Variants in CCDC187 observed in about 807,000 individuals in gnomAD.
The protein encoded by CCDC187 is coiled-coil domain containing 187.
Under a neutral mutation model 38.0 loss-of-function variants are expected in CCDC187, and 32 were observed. That is an observed-to-expected ratio of 0.84 (90% confidence interval 0.64 to 1.13). CCDC187 has a LOEUF of 1.13. Ranked by LOEUF, CCDC187 falls within the 50% of genes most tolerant of loss-of-function variation. The pLI is 0.00. For missense variants in CCDC187, 707 were observed against 786.8 expected (o/e 0.90, Z 1.21); for synonymous variants, 333 against 347.9 (o/e 0.96, Z 0.48).
intron 25 of CCDC187, 73 bp from the exon 26 acceptor site, chr9:136,255,207 G>A: frequency 5.2e-6 from 4 of 775,452 alleles, no homozygotes; most frequent in Non-Finnish European, 6.3e-6. Context: ...GACCCCCAAA[G>A]CCAGGAGGTC....
chr9:136,292,272 C>T lies in CCDC187; in HGVS notation c.856G>A (p.Ala286Thr), dbSNP rs1350822001. The T allele has an allele frequency of 2.5e-5, 10 of 398,732 alleles. No homozygotes were observed. In the Admixed American group the frequency reaches 2.6e-4, roughly 11 times the overall value. The allele number at this position is 398,732 out of a possible 1,614,324, so 24.7% of individuals were successfully genotyped here. A position where few individuals can be genotyped will look rare whatever the true frequency, so the allele number is the denominator to read the frequency against. ...ACCAGAGCTTGTCCCTTTCTCCAGG[C>T]GTAAACACCAACCAGCTCCGAATCT... is the stretch of plus-strand genomic sequence containing the variant. ...DEDSELVGVY[A>T]WRKGQALVRS... Residue 286 changes from alanine to threonine, a missense_variant, in exon 5 of 26, where the codon GCC (alanine) becomes ACC (threonine). Coordinates refer to ENST00000638797, the MANE Select transcript of CCDC187 (RefSeq NM_001378188.1).
At chr9:136,293,303 A>G (rs1247713016) in intron 4 of CCDC187, among the ~76,000 whole-genome samples, 16 of 148,322 alleles carry the variant, frequency 1.1e-4, no homozygotes, top group African/African-American at 3.8e-4. Context: ...TCACAAACAC[A>G]TGTTCACACA....
Position 136,263,708 on chromosome 9 carries a change from G to C in CCDC187, c.3826C>G (p.Pro1276Ala). 3 of 985,484 alleles carry C rather than the reference G, an allele frequency of 3.0e-6. No homozygotes were observed. Among genetic ancestry groups the C allele is most frequent in the Non-Finnish European group, 3.6e-6 (3 of 829,940 alleles). 61.0% of individuals were successfully genotyped at this position (985,484 alleles called of 1,614,324 possible). A position where few individuals can be genotyped will look rare whatever the true frequency, so the allele number is the denominator to read the frequency against. The change falls in exon 18 of 26, where the codon CCG becomes GCG. Residue 1276 changes from proline (P) to alanine (A), a missense_variant. Transcript: ENST00000638797. ...LQHQRDVVSM[P>A]GPVDILPIPG... The stretch of plus-strand genomic sequence containing the variant: ...ATGGGGAGGATGTCCACAGGCCCCG[G>C]CATGGAGACGACGTCCCTCTGATGC...
intron 14 of CCDC187, among the ~76,000 whole-genome samples, chr9:136,269,068 G>C (rs1554762031): frequency 6.6e-6 from 1 of 152,220 alleles, no homozygotes; most frequent in African/African-American, 2.4e-5. Flanking sequence ...GTATTCAGTA[G>C]AGAACTGATG....
chr9:136,293,389 G>T (rs1184805203), intron 4 of CCDC187, among the ~76,000 whole-genome samples: 4 of 113,196 alleles, frequency 3.5e-5, no homozygotes, highest in African/African-American at 1.3e-4. Flanking sequence ...ACACTCACAT[G>T]CTCACACACT....
Position 136,297,132 on chromosome 9 carries a change from CCGTGAGCTGCAGGTGG to C in CCDC187, c.832+566_832+581del, listed in dbSNP as rs1251033450. On this transcript the variant is annotated intron_variant, in intron 4 of 25. Coordinates refer to ENST00000638797, the MANE Select transcript of CCDC187 (RefSeq NM_001378188.1). ...CAGTATCTGTTACTGCTCTGAAGAG[CCGTGAGCTGCAGGTGG>C]CGTGAGCTGCAGGTGGCGTGAGCTG... 5.7e-3 allele frequency among the ~76,000 whole-genome samples: 861 copies of C among 152,038 alleles called. 6 individuals are homozygous for C. Among genetic ancestry groups the C allele is most frequent in the East Asian group, 0.025 (129 of 5,160 alleles).
chr9:136,291,252 G>C lies in CCDC187; in HGVS notation c.1361C>G (p.Thr454Ser), dbSNP rs972140832. 1.5e-5 allele frequency: 6 copies of C among 398,714 alleles called. No homozygotes were observed. Among genetic ancestry groups the C allele is most frequent in the Non-Finnish European group, 2.7e-5 (6 of 226,190 alleles). The allele number at this position is 398,714 out of a possible 1,614,324, so 24.7% of individuals were successfully genotyped here. Residue 454 changes from threonine to serine, a missense_variant, in exon 6 of 26, where the codon ACT (threonine) becomes AGT (serine). Physicochemically the swap from Thr to Ser is moderately conservative, Grantham distance 58. Coordinates refer to ENST00000638797, the MANE Select transcript of CCDC187 (RefSeq NM_001378188.1). ...VHTWEPWSSS[T>S]ARESCPQRAW... Reference sequence around the variant, plus strand: ...CCTCTGCGGACAGGACTCCCGTGCAGTGGAGGAGCTCCAGGGCTCCCAGGT... The same window carrying C: ...CCTCTGCGGACAGGACTCCCGTGCACTGGAGGAGCTCCAGGGCTCCCAGGT...
chr9:136,257,101 G>A lies in CCDC187; in HGVS notation c.4367-260C>T, dbSNP rs377755384. Among the ~76,000 whole-genome samples the A allele has an allele frequency of 4.6e-5, 7 of 152,320 alleles. No homozygotes were observed. The East Asian group carries it at 9.7e-4, about 21-fold the overall frequency. ...TTTAGAATTCAGAGGCCGGCTGGGC[G>A]CAGTGGCTCACGCCTATAATCCCAG... On this transcript the variant is annotated intron_variant, in intron 22 of 25. Coordinates refer to ENST00000638797, the MANE Select transcript of CCDC187 (RefSeq NM_001378188.1). The surrounding 1 kb of genome is among the most constrained non-coding windows in gnomAD (Gnocchi z 4.5).
intron 7 of CCDC187, among the ~76,000 whole-genome samples, chr9:136,288,908 G>C (rs1366903000): frequency 6.6e-6 from 1 of 152,250 alleles, no homozygotes; most frequent in African/African-American, 2.4e-5. Flanking sequence ...GCTGCACACA[G>C]AGGTGCACGT....
In CCDC187 at chr9:136,286,153, G is replaced by A. The variant is rs1034419303; in HGVS notation, c.2765C>T (p.Ser922Leu). 59 of 398,426 alleles carry A rather than the reference G, an allele frequency of 1.5e-4. No individual in the cohort carries two copies. The highest frequency in any genetic ancestry group is 3.6e-4 in the East Asian group (10 of 28,074). The allele number at this position is 398,426 out of a possible 1,614,324, so 24.7% of individuals were successfully genotyped here. ...CTGTTGCTCCCAGCTGGGGCCCCAC[G>A]ACAGTGTCTCGCCGTCCAGGAAGTA... ...PTYFLDGETL[S>L]WGPSWEQQQS... Residue 922 changes from serine to leucine, a missense_variant, in exon 8 of 26, where the codon TCG becomes TTG. Transcript: ENST00000638797.
At chr9:136,294,101 T>G (rs1831470480) in intron 4 of CCDC187, among the ~76,000 whole-genome samples, 3 of 99,838 alleles carry the variant, frequency 3.0e-5, no homozygotes, top group African/African-American at 1.2e-4. Flanking sequence ...CGCCCTCAAG[T>G]GCTCACACTC....
chr9:136,261,568 T>G (rs1356480009), intron 19 of CCDC187, among the ~76,000 whole-genome samples: 1 of 152,232 alleles, frequency 6.6e-6, no homozygotes, highest in African/African-American at 2.4e-5. Context: ...TTCCTGGGAC[T>G]GGCAACTGGT....
At chr9:136,291,683 G>T (rs990581652) in intron 5 of CCDC187, 38 bp from the exon 6 acceptor site, 2 of 398,708 alleles carry the variant, frequency 5.0e-6, no homozygotes, top group Non-Finnish European at 8.8e-6. Flanking sequence ...GGAGGGGAGC[G>T]GAGGGGAGAG....
At position 136,291,100 on chromosome 9, in the gene CCDC187, A is replaced by G. The variant is rs1831316872; in HGVS notation, c.1513T>C (p.Trp505Arg). The G allele has an allele frequency of 2.5e-6, 1 of 398,418 alleles. No homozygotes were observed. The highest frequency in any genetic ancestry group is 3.6e-5 in the East Asian group (1 of 28,046). 24.7% of individuals were successfully genotyped at this position (398,418 alleles called of 1,614,324 possible). A position where few individuals can be genotyped will look rare whatever the true frequency, so the allele number is the denominator to read the frequency against. The change falls in exon 6 of 26, where the codon TGG (tryptophan) becomes CGG (arginine). Residue 505 changes from tryptophan to arginine, a missense_variant. Transcript: ENST00000638797. ...AGQACSPQRA[W>R]GAQRQGPSSQ... ...GAGGGGCCCTGTCTTTGGGCCCCCC[A>G]GGCCCTCTGCGGACTGCAGGCCTGC...
intron 11 of CCDC187, 150 bp downstream of exon 11, chr9:136,276,501 G>A (rs1448215635): frequency 6.6e-6 from 1 of 152,108 alleles, no homozygotes; most frequent in Admixed American, 6.5e-5. Context: ...CCACCTGCAT[G>A]CTCCCCTCCC....
In CCDC187 at chr9:136,250,402, G is replaced by C. The variant is rs543613229; in HGVS notation, c.*3192C>G. The C allele has an allele frequency of 1.1e-3, 325 of 285,410 alleles. 1 individual carries two copies. The highest frequency in any genetic ancestry group is 6.9e-3 in the African/African-American group (313 of 45,174). The allele number at this position is 285,410 out of a possible 1,614,324, so 17.7% of individuals were successfully genotyped here. The stretch of plus-strand genomic sequence containing the variant: ...GCCGCACGTCAGCACCAACCACGTG[G>C]CAGCGAGCCTGGGAGCCATCAGATT... On this transcript the variant is annotated 3_prime_UTR_variant, in exon 26 of 26. Coordinates refer to ENST00000638797, the MANE Select transcript of CCDC187 (RefSeq NM_001378188.1).
rs1199664181 is a variant in CCDC187 at position 136,284,454 on chromosome 9, C to T, written c.2927+1059G>A. Among the ~76,000 whole-genome samples, 17 of 152,282 alleles carry T rather than the reference C, an allele frequency of 1.1e-4. No homozygotes were observed. In the East Asian group the frequency reaches 2.7e-3, roughly 24 times the overall value. ...TGCCCCGCCCGTGGTGCTGAGTTTT[C>T]GAGCCCGGGTTCCGGGGCTGCCTGG... On this transcript the variant is annotated intron_variant, in intron 9 of 25. Coordinates refer to ENST00000638797, the MANE Select transcript of CCDC187 (RefSeq NM_001378188.1).
At chr9:136,273,210 T>G (rs1554762669) in intron 14 of CCDC187, among the ~76,000 whole-genome samples, 1 of 152,138 alleles carries the variant, frequency 6.6e-6, no homozygotes, top group African/African-American at 2.4e-5. Context: ...GCACCTCAAT[T>G]AAAAGGCAGA....
In CCDC187 at chr9:136,262,361, G is replaced by A; in HGVS notation, c.4014C>T (p.Ser1338=). Residue 1338 remains serine (S), a synonymous_variant, in exon 19 of 26, where the codon AGC becomes AGT. Transcript: ENST00000638797. ...TGCTCTGGGGGCGATGGCTGGTGGAGCTGCTGGGCCTGCATGGGGTCAGGG... is the reference window on the plus strand; with the variant it reads ...TGCTCTGGGGGCGATGGCTGGTGGAACTGCTGGGCCTGCATGGGGTCAGGG... ...LCPLTPCRPS[S]STSHRPQSSP... The A allele has an allele frequency of 1.0e-6, 1 of 986,924 alleles. No homozygotes were observed. The highest frequency in any genetic ancestry group is 1.7e-5 in the African/African-American group (1 of 57,408). The allele number at this position is 986,924 out of a possible 1,614,324, so 61.1% of individuals were successfully genotyped here.
Sources: allele counts gnomAD v4.1 joint callset (sites outside exome capture counted in the v4.1 genomes callset), GRCh38; gene constraint gnomAD v4.1.1; non-coding constraint Gnocchi (gnomAD v3.1); transcripts MANE v1.5; gene names NCBI Gene and HGNC (gene_info 2026-07-23, HGNC 2026-07-21).